Variants in RB1 observed in about 807,000 individuals in gnomAD.
The protein encoded by RB1 is retinoblastoma-associated protein.
In RB1, 18 loss-of-function variants were observed where a neutral mutation model predicts 135.4. That is an observed-to-expected ratio of 0.13 (90% CI 0.09 to 0.20). The LOEUF is 0.20. RB1 is among the 10% of genes least tolerant of loss of function. The pLI is 1.00. For synonymous variants in RB1, 365 were observed against 373.2 expected (o/e 0.98, Z 0.25); for missense variants, 868 against 1,110.0 (o/e 0.78, Z 3.10).
At chr13:48,357,574 G>A (rs1345212096) in intron 6 of RB1, among the ~76,000 whole-genome samples, 1 of 151,970 alleles carries the variant, frequency 6.6e-6, no homozygotes, top group African/African-American at 2.4e-5. Context: ...ATTGCTAGTG[G>A]CTTCCCGGCC....
At chr13:48,444,283 G>A (rs1055124841) in intron 17 of RB1, among the ~76,000 whole-genome samples, 5 of 152,132 alleles carry the variant, frequency 3.3e-5, no homozygotes, top group South Asian at 2.1e-4. Context: ...TTGGGAGGTC[G>A]AGGTGGGCAG....
intron 19 of RB1, among the ~76,000 whole-genome samples, chr13:48,457,326 C>G (rs1949367058): frequency 6.6e-6 from 1 of 152,286 alleles, no homozygotes; most frequent in East Asian, 1.9e-4. Flanking sequence ...CTCGTCCTGA[C>G]AAGTGTTCAG....
chr13:48,414,085 C>T (rs753621553), intron 17 of RB1, among the ~76,000 whole-genome samples: 1 of 152,086 alleles, frequency 6.6e-6, no homozygotes, highest in African/African-American at 2.4e-5. Context: ...CAGTGGCTCA[C>T]GCCTATAATC....
chr13:48,340,244 A>T (rs7336327), intron 2 of RB1, among the ~76,000 whole-genome samples: 4,607 of 152,234 alleles, frequency 0.03, 246 homozygotes, highest in African/African-American at 0.11. Context: ...GATACCTACC[A>T]CTGAAAACAT....
chr13:48,325,250 G>A (rs1007394970), intron 2 of RB1, among the ~76,000 whole-genome samples: 9 of 152,030 alleles, frequency 5.9e-5, no homozygotes, highest in East Asian at 5.8e-4. Flanking sequence ...CTGTTCCTGC[G>A]TTAGTTTGCT....
Position 48,348,968 on chromosome 13 carries a change from A to C in RB1, c.552A>C (p.Glu184Asp), listed in dbSNP as rs1220347917. Reference protein sequence around the residue: ...LTQPSSSISTEINSALVLKVS... With the variant: ...LTQPSSSISTDINSALVLKVS... ...ATTTGTTTAATAGGATATCTACTGA[A>C]ATAAATTCTGCATTGGTGCTAAAAG... Residue 184 changes from glutamate to aspartate, a missense_variant, in exon 6 of 27, where the codon GAA (glutamate) becomes GAC (aspartate). Coordinates refer to ENST00000267163, the MANE Select transcript of RB1 (RefSeq NM_000321.3). The C allele has an allele frequency of 2.5e-6, 4 of 1,602,050 alleles. No homozygotes were observed. Among genetic ancestry groups the C allele is most frequent in the Non-Finnish European group, 3.4e-6 (4 of 1,173,088 alleles).
intron 17 of RB1, among the ~76,000 whole-genome samples, chr13:48,423,758 G>A (rs889075799): frequency 2.0e-5 from 3 of 152,138 alleles, no homozygotes; most frequent in Admixed American, 2.0e-4. Context: ...TCAAAAGAAA[G>A]TGTGAGCCAG....
chr13:48,427,176 C>A (rs2138267838), intron 17 of RB1, among the ~76,000 whole-genome samples: 1 of 150,330 alleles, frequency 6.7e-6, no homozygotes, highest in East Asian at 2.0e-4. Flanking sequence ...GAGTCATCTA[C>A]CAAACCTCAC....
At chr13:48,436,745 T>A (rs1293193812) in intron 17 of RB1, among the ~76,000 whole-genome samples, 1 of 152,146 alleles carries the variant, frequency 6.6e-6, no homozygotes, top group Non-Finnish European at 1.5e-5. Flanking sequence ...ATGGAAAAGA[T>A]CTTCAGAAAG....
At chr13:48,407,593 A>G (rs1427461154) in intron 17 of RB1, among the ~76,000 whole-genome samples, 1 of 152,226 alleles carries the variant, frequency 6.6e-6, no homozygotes, top group Non-Finnish European at 1.5e-5. Context: ...TCTGGAAAAT[A>G]TTGCTAAATA....
intron 23 of RB1, among the ~76,000 whole-genome samples, chr13:48,472,194 G>A (rs1169047472): frequency 6.6e-6 from 1 of 152,168 alleles, no homozygotes. Context: ...CCATATGGTT[G>A]TACCTAATGG....
Position 48,328,561 on chromosome 13 carries a change from A to T in RB1, c.265-14038A>T, listed in dbSNP as rs1952308299. On this transcript the variant is annotated intron_variant, in intron 2 of 26. Coordinates refer to ENST00000267163, the MANE Select transcript of RB1 (RefSeq NM_000321.3). ...CTCCTCTCCCGCCTTCCCATCAGCC[A>T]TTTCCCCCGCCGCATTGTTTTTTTA... 3 of 696,960 alleles carry T rather than the reference A, an allele frequency of 4.3e-6. No individual in the cohort carries two copies. In the East Asian group the frequency reaches 7.9e-5, roughly 18 times the overall value. The allele number at this position is 696,960 out of a possible 1,614,324, so 43.2% of individuals were successfully genotyped here.
rs532818642 is a variant in RB1 at position 48,454,236 on chromosome 13, A to T, written c.1814+1125A>T. 3.9e-5 allele frequency among the ~76,000 whole-genome samples: 6 copies of T among 152,338 alleles called. No homozygotes were observed. In the South Asian group the frequency reaches 1.2e-3, roughly 32 times the overall value. The stretch of plus-strand genomic sequence containing the variant: ...GTCCAGGCTCTTAATCACTCTAACT[A>T]CATTGCCTTTCACAGAAATGTGCCT... On this transcript the variant is annotated intron_variant, in intron 18 of 26. Transcript: ENST00000267163.
intron 24 of RB1, chr13:48,476,463 TG>T (rs1394766900): frequency 4.3e-6 from 2 of 464,772 alleles, no homozygotes; most frequent in Admixed American, 6.9e-5. Context: ...GAATGTGAGC[TG>T]CATGGGAAAA....
Position 48,327,220 on chromosome 13 carries a change from AAGC to A in RB1, c.265-15375_265-15373del, listed in dbSNP as rs1426922041. The stretch of plus-strand genomic sequence containing the variant: ...GGTGTTTATACCTTTTAAAAAATAA[AAGC>A]AGCCAAATACTTAAGCAATATGTAC... On this transcript the variant is annotated intron_variant, in intron 2 of 26. Transcript: ENST00000267163. 1.4e-4 allele frequency among the ~76,000 whole-genome samples: 21 copies of A among 152,206 alleles called. No homozygotes were observed. In the South Asian group the frequency reaches 2.5e-3, roughly 18 times the overall value.
At chr13:48,361,028 G>T (rs1952634233) in intron 7 of RB1, among the ~76,000 whole-genome samples, 1 of 151,986 alleles carries the variant, frequency 6.6e-6, no homozygotes, top group South Asian at 2.1e-4. Context: ...GTTGAACATG[G>T]TTTGGCAGAG....
rs1324124483 is a variant in RB1 at position 48,480,705 on chromosome 13, T to C, written c.*634T>C. On this transcript the variant is annotated 3_prime_UTR_variant, in exon 27 of 27. Transcript: ENST00000267163. ...ATTTTGCTTTTAATTAAATAAAAGC[T>C]GGAAGCAAAGTATAACCATATGATA... 3 of 227,324 alleles carry C rather than the reference T, an allele frequency of 1.3e-5. No individual in the cohort carries two copies. The highest frequency in any genetic ancestry group is 6.7e-5 in the African/African-American group (3 of 45,040). 14.1% of individuals were successfully genotyped at this position (227,324 alleles called of 1,614,324 possible).
rs572392462 is a variant in RB1, at chr13:48,420,023, C to T, written c.1696-32970C>T. On this transcript the variant is annotated intron_variant, in intron 17 of 26. Transcript: ENST00000267163. ...AAGCAATAGAAGAAAAGAGAGTCCT[C>T]CTTAACTCATTTTATAAGCCAAGAA... Among the ~76,000 whole-genome samples, 4 of 152,272 alleles carry T rather than the reference C, an allele frequency of 2.6e-5. No homozygotes were observed. The South Asian group carries it at 8.3e-4, about 32-fold the overall frequency.
intron 18 of RB1, among the ~76,000 whole-genome samples, chr13:48,453,708 G>A (rs1006735055): frequency 1.3e-5 from 2 of 152,116 alleles, no homozygotes; most frequent in Admixed American, 6.5e-5. Context: ...GATTTTGAGG[G>A]CTCCAATATT....
Sources: gnomAD v4.1 joint callset for allele counts (sites outside exome capture counted in the v4.1 genomes callset) on GRCh38, gnomAD v4.1.1 for gene constraint, MANE v1.5 for transcripts, NCBI Gene and HGNC (gene_info 2026-07-23, HGNC 2026-07-21) for gene names.